The following UBA52 variants were observed in gnomAD, a reference collection of about 807,000 sequenced individuals.
UBA52 encodes the protein ubiquitin A-52 residue ribosomal protein fusion product 1.
Under a neutral mutation model 15.3 loss-of-function variants are expected in UBA52, and 1 was observed. That is an observed-to-expected ratio of 0.07 (90% confidence interval 0.02 to 0.31). UBA52 has a LOEUF of 0.31. UBA52 is among the 10% of genes least tolerant of loss of function. UBA52 has a pLI of 1.00. For missense variants in UBA52, 87 were observed against 168.0 expected (o/e 0.52, Z 2.66); for synonymous variants, 50 against 58.3 (o/e 0.86, Z 0.65).
the UBA52 span, among the ~76,000 whole-genome samples, chr19:18,566,362 G>A: frequency 6.7e-6 from 1 of 150,372 alleles, no homozygotes; most frequent in South Asian, 2.1e-4. Flanking sequence ...CAGCTACTCG[G>A]GAGGCTGAGG....
At position 18,576,139 on chromosome 19, in the gene UBA52, C is replaced by G. The variant is rs1233542294; in HGVS notation, c.*989C>G. 2.6e-5 allele frequency: 4 copies of G among 152,176 alleles called. No homozygotes were observed. The highest frequency in any genetic ancestry group is 9.7e-5 in the African/African-American group (4 of 41,408). 9.4% of individuals were successfully genotyped at this position (152,176 alleles called of 1,614,324 possible). On this transcript the variant is annotated 3_prime_UTR_variant, in exon 5 of 5. Transcript: ENST00000442744. ...GCTGTACCCTCTCCTATGATAATCA[C>G]TCTTAAGAAGGGCAACCCTTGGTGT...
chr19:18,568,388 C>T (rs1248538493), upstream of UBA52: 11 of 1,600,676 alleles, frequency 6.9e-6, no homozygotes, highest in Non-Finnish European at 9.4e-6. Context: ...AACTCTTGGG[C>T]CTCCTTCCCC....
upstream of UBA52, among the ~76,000 whole-genome samples, chr19:18,571,310 CAA>C (rs756456955): frequency 9.2e-5 from 10 of 108,194 alleles, no homozygotes; most frequent in East Asian, 5.3e-4. Flanking sequence ...AACTCCGTCT[CAA>C]AAAAAAAAAA....
Position 18,577,288 on chromosome 19 carries a change from C to T in UBA52, c.*2138C>T. On this transcript the variant is annotated 3_prime_UTR_variant, in exon 5 of 5. Coordinates refer to ENST00000442744, the MANE Select transcript of UBA52 (RefSeq NM_001033930.3). ...AATGAAGGATTCAAAATTAACCACT[C>T]CAAGGGGGGATTGAAGGAAGAACCA... The T allele has an allele frequency of 6.6e-6, 1 of 151,984 alleles. No homozygotes were observed. The highest frequency in any genetic ancestry group is 1.5e-5 in the Non-Finnish European group (1 of 68,000). 9.4% of individuals were successfully genotyped at this position (151,984 alleles called of 1,614,324 possible). A position where few individuals can be genotyped will look rare whatever the true frequency, so the allele number is the denominator to read the frequency against.
intron 3 of UBA52, 127 bp from the exon 4 acceptor site, chr19:18,574,743 G>A (rs538266829): frequency 5.0e-6 from 6 of 1,203,704 alleles, no homozygotes; most frequent in Middle Eastern, 2.8e-4. Flanking sequence ...AACACTCGGG[G>A]GATCCCGACT....
rs900476822 is a variant in UBA52, at chr19:18,573,576, TG to T, written c.104-81del. The T allele has an allele frequency of 2.2e-5, 32 of 1,465,534 alleles. No individual in the cohort carries two copies. In the African/African-American group the frequency reaches 4.2e-4, roughly 19 times the overall value. 90.8% of individuals were successfully genotyped at this position (1,465,534 alleles called of 1,614,324 possible). On this transcript the variant is annotated intron_variant, in intron 2 of 4. Coordinates refer to ENST00000442744, the MANE Select transcript of UBA52 (RefSeq NM_001033930.3). ...TACCTCAGTTGGCCTTTTGAGAAAC[TG>T]GGGGTAGTGCTGGAGCTCCCCTGCA... is the stretch of plus-strand genomic sequence containing the variant.
chr19:18,564,078 G>A, the UBA52 span, among the ~76,000 whole-genome samples: 1 of 151,940 alleles, frequency 6.6e-6, no homozygotes, highest in South Asian at 2.1e-4. Context: ...GTAGAGACGC[G>A]GTTTTCCCAT....
the UBA52 span, chr19:18,565,184 T>G: frequency 6.1e-5 from 87 of 1,414,748 alleles, no homozygotes; most frequent in South Asian, 2.2e-4. Flanking sequence ...TGGGATAAAA[T>G]CTTGACGTAA....
At chr19:18,569,756 G>A (rs757252952), upstream of UBA52, among the ~76,000 whole-genome samples, 5 of 151,568 alleles carry the variant, frequency 3.3e-5, 1 homozygote, top group South Asian at 4.2e-4. Context: ...TGTTATGACC[G>A]GGCTTGGTGG....
At chr19:18,566,328 C>T in the UBA52 span, among the ~76,000 whole-genome samples, 6 of 151,936 alleles carry the variant, frequency 3.9e-5, no homozygotes, top group African/African-American at 1.2e-4. Context: ...ATTAGCTGGG[C>T]GTGGTGGTGG....
the UBA52 span, among the ~76,000 whole-genome samples, chr19:18,566,187 A>G: frequency 8.9e-4 from 136 of 151,960 alleles, 1 homozygote; most frequent in African/African-American, 2.9e-3. Context: ...GAGGTGGCCC[A>G]TGCCTGTAAT....
At chr19:18,564,572 G>A in the UBA52 span, among the ~76,000 whole-genome samples, 2 of 152,110 alleles carry the variant, frequency 1.3e-5, no homozygotes, top group African/African-American at 4.8e-5. Context: ...GCAGTGAGCC[G>A]AGATCGCGCC....
the UBA52 span, among the ~76,000 whole-genome samples, chr19:18,564,331 G>T: frequency 6.6e-6 from 1 of 152,054 alleles, no homozygotes; most frequent in East Asian, 1.9e-4. Flanking sequence ...AATTAAAAGA[G>T]TCTGATTGGG....
intron 3 of UBA52, 121 bp from the exon 4 acceptor site, chr19:18,574,749 C>T (rs916139592): frequency 5.0e-5 from 64 of 1,274,066 alleles, no homozygotes; most frequent in African/African-American, 3.3e-4. Flanking sequence ...CGGGGGATCC[C>T]GACTTGGTGT....
At position 18,573,664 on chromosome 19, in the gene UBA52, A is replaced by G; in HGVS notation, c.106A>G (p.Ile36Val). 6.2e-7 allele frequency: 1 copy of G among 1,613,972 alleles called. No individual in the cohort carries two copies. Among genetic ancestry groups the G allele is most frequent in the East Asian group, 2.2e-5 (1 of 44,882 alleles). The change falls in exon 3 of 5, where the codon ATC becomes GTC. Residue 36 changes from isoleucine (I) to valine (V), a missense_variant and splice_region_variant. Ile to Val is a conservative substitution (Grantham distance 29). Coordinates refer to ENST00000442744, the MANE Select transcript of UBA52 (RefSeq NM_001033930.3). ...AACTGAGCCTCCCTCCCCCTCAGGTATCCCACCTGACCAGCAGCGTCTGAT... is the reference window on the plus strand; with the variant it reads ...AACTGAGCCTCCCTCCCCCTCAGGTGTCCCACCTGACCAGCAGCGTCTGAT... Reference protein sequence around the residue: ...VKAKIQDKEGIPPDQQRLIFA... With the variant: ...VKAKIQDKEGVPPDQQRLIFA...
At position 18,573,711 on chromosome 19, in the gene UBA52, G is replaced by A. The variant is rs1364969480; in HGVS notation, c.153G>A (p.Glu51=). 3 of 1,614,070 alleles carry A rather than the reference G, an allele frequency of 1.9e-6. No homozygotes were observed. The highest frequency in any genetic ancestry group is 1.3e-5 in the African/African-American group (1 of 74,920). The stretch of plus-strand genomic sequence containing the variant: ...TGATATTTGCCGGCAAACAGCTGGA[G>A]GATGGCCGCACTCTCTCAGACTACA... The part of the protein sequence containing the change: ...QRLIFAGKQL[E]DGRTLSDYNI... Residue 51 remains glutamate, a synonymous_variant, in exon 3 of 5, where the codon GAG becomes GAA. Transcript: ENST00000442744.
chr19:18,564,910 TCAA>T, the UBA52 span: 1 of 1,613,810 alleles, frequency 6.2e-7, no homozygotes, highest in Non-Finnish European at 8.5e-7. Flanking sequence ...CTGCTCAACT[TCAA>T]CAACCTGTCC....
At chr19:18,572,912 G>A (rs1975574761) in intron 1 of UBA52, 1 of 1,099,274 alleles carries the variant, frequency 9.1e-7, no homozygotes, top group Non-Finnish European at 1.1e-6. Context: ...CGTGGAAGAG[G>A]GTGGGACCGC....
chr19:18,572,900 G>T (rs1975573729), intron 1 of UBA52: 2 of 1,085,614 alleles, frequency 1.8e-6, no homozygotes, highest in Non-Finnish European at 1.1e-6. Context: ...GGACCTGGCT[G>T]CCGTGGAAGA....
Sources: gnomAD v4.1 joint callset for allele counts (sites outside exome capture counted in the v4.1 genomes callset) on GRCh38, gnomAD v4.1.1 for gene constraint, MANE v1.5 for transcripts, NCBI Gene and HGNC (gene_info 2026-07-23, HGNC 2026-07-21) for gene names.